RBFOX1: variants seen among roughly 807,000 people sequenced by gnomAD.
The protein encoded by RBFOX1 is RNA binding fox-1 homolog 1.
RBFOX1 carries 8 observed loss-of-function variants against 57.7 expected under a neutral mutation model. That is an observed-to-expected ratio of 0.14 (90% CI 0.08 to 0.25). The LOEUF (loss-of-function observed/expected upper bound fraction) is 0.25, where lower values mean the gene tolerates loss of function less well. Ranked by LOEUF, RBFOX1 falls within the 10% of genes least tolerant of loss-of-function variation. The pLI is 1.00. For synonymous variants in RBFOX1, 326 were observed against 222.4 expected (o/e 1.47, Z -4.15); for missense variants, 611 against 548.5 (o/e 1.11, Z -1.14).
chr16:6,715,202 C>A (rs13329869), intron 3 of RBFOX1, among the ~76,000 whole-genome samples: 5,408 of 152,182 alleles, frequency 0.036, 325 homozygotes, highest in African/African-American at 0.12. Context: ...AGGGCTAAAC[C>A]TTATCAGTCA....
intron 1 of RBFOX1, among the ~76,000 whole-genome samples, chr16:6,132,221 C>A (rs2096634761): frequency 6.6e-6 from 1 of 152,208 alleles, no homozygotes; most frequent in South Asian, 2.1e-4. Flanking sequence ...TCGGCAGCAA[C>A]AGCAATGCTC....
intron 4 of RBFOX1, among the ~76,000 whole-genome samples, chr16:5,994,891 C>T (rs2060465633): frequency 2.6e-5 from 4 of 152,194 alleles, no homozygotes; most frequent in Admixed American, 2.6e-4. Flanking sequence ...TGAGTTTCCA[C>T]TCTTCTTCAG....
intron 2 of RBFOX1, among the ~76,000 whole-genome samples, chr16:5,579,222 G>A (rs1318087056): frequency 3.3e-5 from 5 of 151,980 alleles, no homozygotes; most frequent in South Asian, 2.1e-4. Context: ...CACTAGGATC[G>A]CCAGGCTCAG....
At position 6,297,742 on chromosome 16, in the gene RBFOX1, G is replaced by A. The variant is rs149345919; in HGVS notation, c.-126-19253G>A. Among the ~76,000 whole-genome samples the A allele has an allele frequency of 1.6e-3, 244 of 152,190 alleles. 1 individual carries two copies. Among genetic ancestry groups the A allele is most frequent in the African/African-American group, 5.7e-3 (237 of 41,520 alleles). ...AGGAGATGAAGAGACAAACAGAAGG[G>A]CAGAAGAATGGCAGAATGGCATGGC... On this transcript the variant is annotated intron_variant, in intron 1 of 15. Transcript: ENST00000550418.
intron 1 of RBFOX1, among the ~76,000 whole-genome samples, chr16:5,368,760 A>T (rs906536445): frequency 6.6e-6 from 1 of 151,818 alleles, no homozygotes; most frequent in Non-Finnish European, 1.5e-5. Context: ...AGGGGGTCTC[A>T]GCGTTGATTT....
At chr16:7,024,488 A>G (rs1437571505) in intron 3 of RBFOX1, among the ~76,000 whole-genome samples, 5 of 152,208 alleles carry the variant, frequency 3.3e-5, no homozygotes, top group East Asian at 1.9e-4. Flanking sequence ...GCACTTCTTA[A>G]TAATAAGCAG....
intron 3 of RBFOX1, among the ~76,000 whole-genome samples, chr16:6,944,694 C>T (rs1247764047): frequency 6.6e-6 from 1 of 152,140 alleles, no homozygotes; most frequent in Admixed American, 6.6e-5. Flanking sequence ...TTTCATGGTT[C>T]AGTACATGGT....
At chr16:6,113,359 A>G (rs968196920) in intron 1 of RBFOX1, among the ~76,000 whole-genome samples, 4 of 152,198 alleles carry the variant, frequency 2.6e-5, no homozygotes, top group African/African-American at 9.6e-5. Flanking sequence ...CAACATAGCC[A>G]CCATTAGGCT....
intron 1 of RBFOX1, among the ~76,000 whole-genome samples, chr16:5,410,112 C>G (rs573436548): frequency 5.4e-4 from 82 of 151,284 alleles, no homozygotes; most frequent in African/African-American, 1.9e-3. Context: ...GCCTGTAATG[C>G]CTGCGCTTTG....
At chr16:7,041,928 C>G (rs534192346) in intron 3 of RBFOX1, among the ~76,000 whole-genome samples, 1 of 152,104 alleles carries the variant, frequency 6.6e-6, no homozygotes, top group Admixed American at 6.6e-5. Context: ...CTCTATGGTA[C>G]AAATGGGGAA....
At chr16:6,685,858 G>C (rs571614943) in intron 3 of RBFOX1, among the ~76,000 whole-genome samples, 28 of 152,068 alleles carry the variant, frequency 1.8e-4, no homozygotes, top group African/African-American at 6.7e-4. Flanking sequence ...AAATATTTCT[G>C]TCTTAAAGCC....
At chr16:6,487,205 T>C (rs1201498586) in intron 2 of RBFOX1, among the ~76,000 whole-genome samples, 2 of 151,036 alleles carry the variant, frequency 1.3e-5, no homozygotes, top group Non-Finnish European at 2.9e-5. Flanking sequence ...AAACAGCTTA[T>C]GTCAGCTACA....
chr16:6,776,890 T>G (rs1265532240), intron 3 of RBFOX1, among the ~76,000 whole-genome samples: 2 of 152,258 alleles, frequency 1.3e-5, no homozygotes, highest in African/African-American at 2.4e-5. Context: ...ACATTTTAAT[T>G]ACAGCAAATA....
chr16:6,829,847 C>T (rs1050954173), intron 3 of RBFOX1, among the ~76,000 whole-genome samples: 2 of 152,192 alleles, frequency 1.3e-5, no homozygotes, highest in Admixed American at 1.3e-4. Flanking sequence ...GGAGATCTGC[C>T]TGCCTTGGCC....
intron 1 of RBFOX1, among the ~76,000 whole-genome samples, chr16:6,099,652 A>G (rs2096281680): frequency 6.6e-6 from 1 of 152,206 alleles, no homozygotes; most frequent in Non-Finnish European, 1.5e-5. Context: ...TCACTTTAGC[A>G]TAGTACATTT....
intron 4 of RBFOX1, among the ~76,000 whole-genome samples, chr16:7,484,650 G>A (rs1415528744): frequency 2.0e-5 from 3 of 152,128 alleles, no homozygotes; most frequent in Non-Finnish European, 4.4e-5. Flanking sequence ...TTTTAGTAGA[G>A]ACAAGGTTTC....
intron 2 of RBFOX1, among the ~76,000 whole-genome samples, chr16:6,385,969 T>A (rs1262453575): frequency 2.0e-5 from 3 of 151,184 alleles, no homozygotes; most frequent in Non-Finnish European, 4.4e-5. Context: ...GGAGTCTTGC[T>A]CTGTCGCCCA....
At chr16:7,481,604 A>G (rs1197127912) in intron 4 of RBFOX1, among the ~76,000 whole-genome samples, 1 of 152,206 alleles carries the variant, frequency 6.6e-6, no homozygotes, top group African/African-American at 2.4e-5. Context: ...TCTTGCAGAT[A>G]ACTACAGCAA....
At chr16:6,583,159 C>G (rs1237106755) in intron 2 of RBFOX1, among the ~76,000 whole-genome samples, 1 of 152,176 alleles carries the variant, frequency 6.6e-6, no homozygotes, top group Non-Finnish European at 1.5e-5. Flanking sequence ...AGATAGAGAT[C>G]TCATTTCTTG....
Sources: allele counts gnomAD v4.1 joint callset (sites outside exome capture counted in the v4.1 genomes callset), GRCh38; gene constraint gnomAD v4.1.1; transcripts MANE v1.5; gene names NCBI Gene and HGNC (gene_info 2026-07-23, HGNC 2026-07-21).